Variants in PRKN observed in about 807,000 individuals in gnomAD.
The protein encoded by PRKN is parkin RBR E3 ubiquitin protein ligase.
In PRKN, 56 loss-of-function variants were observed where a neutral mutation model predicts 59.5. That is an observed-to-expected ratio of 0.94 (90% CI 0.76 to 1.18). The LOEUF (loss-of-function observed/expected upper bound fraction) is 1.18, where lower values mean the gene tolerates loss of function less well. PRKN is among the 50% of genes most tolerant of loss of function. PRKN has a pLI of 0.00. For synonymous variants in PRKN, 250 were observed against 222.1 expected, an observed-to-expected ratio of 1.13 and a Z score of -1.12; for missense variants, 657 against 596.4, an observed-to-expected ratio of 1.10 and a Z score of -1.06.
chr6:162,651,165 G>C (rs1347100177), intron 1 of PRKN, among the ~76,000 whole-genome samples: 1 of 152,154 alleles, frequency 6.6e-6, no homozygotes, highest in Non-Finnish European at 1.5e-5. Context: ...AAGAAACACT[G>C]TGTTTCCTTC....
chr6:162,715,334 C>G lies in PRKN; in HGVS notation c.7+12328G>C, dbSNP rs1778682867. Reference sequence around the variant, plus strand: ...CAATTATTTATTAAGTATGAGCACGCTTATTCCCTCAAGAATAAGGCAGGT... The same window carrying G: ...CAATTATTTATTAAGTATGAGCACGGTTATTCCCTCAAGAATAAGGCAGGT... On this transcript the variant is annotated intron_variant, in intron 1 of 11. Coordinates refer to ENST00000366898, the MANE Select transcript of PRKN (RefSeq NM_004562.3). Among the ~76,000 whole-genome samples, 3 of 152,148 alleles carry G rather than the reference C, an allele frequency of 2.0e-5. No homozygotes were observed. The South Asian group carries it at 6.2e-4, about 32-fold the overall frequency.
intron 1 of PRKN, among the ~76,000 whole-genome samples, chr6:162,580,742 T>C (rs528054427): frequency 3.9e-5 from 6 of 152,330 alleles, no homozygotes; most frequent in African/African-American, 1.4e-4. Context: ...ACACTGTTTA[T>C]ATGTGGAAGC....
rs1265942801 is a variant in PRKN, at chr6:161,462,798, C to A, written c.1084-75921G>T. 1.3e-5 allele frequency among the ~76,000 whole-genome samples: 2 copies of A among 152,154 alleles called. No individual in the cohort carries two copies. Among genetic ancestry groups the A allele is most frequent in the African/African-American group, 2.4e-5 (1 of 41,432 alleles). On this transcript the variant is annotated intron_variant, in intron 9 of 11. Transcript: ENST00000366898. The surrounding 1 kb of genome is among the most constrained non-coding windows in gnomAD (Gnocchi z 4.5). ...AAACACACAGAATACACTTTCATCC[C>A]AAAATTGGCATACTTTAAATAATCC...
At chr6:162,562,507 C>T (rs1779884797) in intron 1 of PRKN, among the ~76,000 whole-genome samples, 1 of 152,162 alleles carries the variant, frequency 6.6e-6, no homozygotes, top group Admixed American at 6.5e-5. Context: ...GCATTCACTA[C>T]AAGCTGACTT....
intron 6 of PRKN, among the ~76,000 whole-genome samples, chr6:161,915,168 C>T (rs914805423): frequency 6.6e-6 from 1 of 152,044 alleles, no homozygotes; most frequent in Admixed American, 6.6e-5. Context: ...TGCCTGTAGT[C>T]CCAGCTACTT....
At chr6:162,161,895 T>A (rs1326078788) in intron 4 of PRKN, among the ~76,000 whole-genome samples, 2 of 152,184 alleles carry the variant, frequency 1.3e-5, no homozygotes, top group African/African-American at 4.8e-5. Flanking sequence ...ATTATTGTTG[T>A]TAATCTCTTA....
chr6:161,397,350 T>C lies in PRKN; in HGVS notation c.1084-10473A>G, dbSNP rs1054704588. On this transcript the variant is annotated intron_variant, in intron 9 of 11. Transcript: ENST00000366898. This position sits in a 1 kb window ranked among gnomAD's most constrained non-coding sequence, Gnocchi z 4.2. ...ATACAATGCACAATCATGGGTTGAA[T>C]TGAGTATTCTTGTGTAAGTCTTAAG... 2.0e-5 allele frequency among the ~76,000 whole-genome samples: 3 copies of C among 152,186 alleles called. No homozygotes were observed. Among genetic ancestry groups the C allele is most frequent in the Non-Finnish European group, 4.4e-5 (3 of 68,042 alleles).
Position 161,360,682 on chromosome 6 carries a change from T to G in PRKN, c.1168-477A>C, listed in dbSNP as rs1020594973. Among the ~76,000 whole-genome samples, 1 of 152,184 alleles carries G rather than the reference T, an allele frequency of 6.6e-6. No homozygotes were observed. The highest frequency in any genetic ancestry group is 6.5e-5 in the Admixed American group (1 of 15,302). On this transcript the variant is annotated intron_variant, in intron 10 of 11. Transcript: ENST00000366898. This position sits in a 1 kb window ranked among gnomAD's most constrained non-coding sequence, Gnocchi z 5.1. ...CTTTGCTTTTAAACTTTGCTCTACA[T>G]CTTGTTATCCTTCCTTGCACCTGGC... is the stretch of plus-strand genomic sequence containing the variant.
intron 2 of PRKN, among the ~76,000 whole-genome samples, chr6:162,330,859 C>T (rs1391983775): frequency 6.6e-6 from 1 of 152,140 alleles, no homozygotes; most frequent in Non-Finnish European, 1.5e-5. Flanking sequence ...ACATCAGGAA[C>T]TCGTGTTGTG....
intron 4 of PRKN, among the ~76,000 whole-genome samples, chr6:162,096,627 C>T (rs970864542): frequency 1.2e-4 from 18 of 152,084 alleles, no homozygotes; most frequent in African/African-American, 4.1e-4. Flanking sequence ...AAGTCTCACA[C>T]GATCTGATGG....
chr6:162,101,341 T>TC (rs1779961052), intron 4 of PRKN, among the ~76,000 whole-genome samples: 1 of 151,424 alleles, frequency 6.6e-6, no homozygotes, highest in Admixed American at 6.6e-5. Flanking sequence ...GACAGTACTT[T>TC]CCCCGTTATG....
chr6:162,400,457 C>CAAAAAAA (rs3081908), intron 2 of PRKN, among the ~76,000 whole-genome samples: 28 of 98,692 alleles, frequency 2.8e-4, no homozygotes, highest in Admixed American at 3.6e-4. Flanking sequence ...ATGTAAATAT[C>CAAAAAAA]AAAAAAAAAA....
At chr6:162,460,907 G>T (rs1459408053) in intron 1 of PRKN, among the ~76,000 whole-genome samples, 1 of 152,076 alleles carries the variant, frequency 6.6e-6, no homozygotes, top group Admixed American at 6.6e-5. Flanking sequence ...CTTTAATATA[G>T]AAAATATAAT....
At position 162,286,653 on chromosome 6, in the gene PRKN, G is replaced by A. The variant is rs76146820; in HGVS notation, c.172-23888C>T. On this transcript the variant is annotated intron_variant, in intron 2 of 11. Transcript: ENST00000366898. ...TGGATGGTTGCTATGACAATATCGA[G>A]TTCTTCTTTGAGAAAGACCATGATA... 8.7e-3 allele frequency among the ~76,000 whole-genome samples: 1,328 copies of A among 152,282 alleles called. 17 individuals are homozygous for A. The highest frequency in any genetic ancestry group is 0.014 in the Non-Finnish European group (952 of 68,018).
intron 1 of PRKN, among the ~76,000 whole-genome samples, chr6:162,611,038 T>C (rs892194914): frequency 6.6e-6 from 1 of 152,208 alleles, no homozygotes; most frequent in African/African-American, 2.4e-5. Flanking sequence ...ATTTTTTGTA[T>C]ATCAGAACTG....
At chr6:162,200,227 G>A (rs917297236) in intron 4 of PRKN, among the ~76,000 whole-genome samples, 3 of 152,052 alleles carry the variant, frequency 2.0e-5, no homozygotes, top group Admixed American at 6.6e-5. Flanking sequence ...GACTGGACAC[G>A]CTCGGCCTGC....
At chr6:162,447,093 G>T (rs1790351687) in intron 1 of PRKN, among the ~76,000 whole-genome samples, 1 of 152,180 alleles carries the variant, frequency 6.6e-6, no homozygotes, top group South Asian at 2.1e-4. Context: ...GATTATGGAT[G>T]TATTAGAAAA....
chr6:162,664,222 T>G (rs566544206), intron 1 of PRKN, among the ~76,000 whole-genome samples: 1 of 152,284 alleles, frequency 6.6e-6, no homozygotes, highest in African/African-American at 2.4e-5. Flanking sequence ...AGGACACGAT[T>G]TCATTCTTTT....
At chr6:162,523,326 A>C (rs1380566812) in intron 1 of PRKN, among the ~76,000 whole-genome samples, 1 of 152,136 alleles carries the variant, frequency 6.6e-6, no homozygotes, top group Non-Finnish European at 1.5e-5. Flanking sequence ...GTCTCAATGG[A>C]AGCGATGGAA....
Sources: allele counts gnomAD v4.1 joint callset (sites outside exome capture counted in the v4.1 genomes callset), GRCh38; gene constraint gnomAD v4.1.1; non-coding constraint Gnocchi (gnomAD v3.1); transcripts MANE v1.5; gene names NCBI Gene and HGNC (gene_info 2026-07-23, HGNC 2026-07-21).